ASAH1: variants seen among roughly 807,000 people sequenced by gnomAD.
ASAH1 encodes N-acylsphingosine amidohydrolase 1.
In ASAH1, 70 loss-of-function variants were observed where a neutral mutation model predicts 59.5. The ratio of observed to expected loss-of-function variants is 1.18; its 90% confidence interval spans 0.97 to 1.43. The LOEUF (loss-of-function observed/expected upper bound fraction) is 1.43, where lower values mean the gene tolerates loss of function less well. Ranked by LOEUF, ASAH1 falls within the 40% of genes most tolerant of loss-of-function variation. The pLI, the probability that ASAH1 is intolerant of heterozygous loss-of-function variation, is 0.00. For missense variants in ASAH1, 660 were observed against 482.5 expected (o/e 1.37, Z -3.45); for synonymous variants, 213 against 166.5 (o/e 1.28, Z -2.15).
At position 18,057,238 on chromosome 8, in the gene ASAH1, C is replaced by T. The variant is rs1418340952; in HGVS notation, c.*296G>A. The stretch of plus-strand genomic sequence containing the variant: ...TTTATTCCACGGAGGTGGAGTTCAC[C>T]ATGGTTCGACTGCCCACCAGATCCC... On this transcript the variant is annotated 3_prime_UTR_variant, in exon 14 of 14. Transcript: ENST00000637790. The T allele has an allele frequency of 3.0e-6, 1 of 332,482 alleles. No individual in the cohort carries two copies. Among genetic ancestry groups the T allele is most frequent in the Admixed American group, 4.1e-5 (1 of 24,416 alleles). The allele number at this position is 332,482 out of a possible 1,614,324, so 20.6% of individuals were successfully genotyped here. A position where few individuals can be genotyped will look rare whatever the true frequency, so the allele number is the denominator to read the frequency against.
At chr8:18,081,690 A>T (rs1800661153) in intron 1 of ASAH1, among the ~76,000 whole-genome samples, 1 of 152,256 alleles carries the variant, frequency 6.6e-6, no homozygotes, top group Non-Finnish European at 1.5e-5. Context: ...CAGATGTTCT[A>T]AATCAAATGA....
chr8:18,058,687 G>T (rs752881579), intron 13 of ASAH1, 148 bp downstream of exon 13: 39 of 696,692 alleles, frequency 5.6e-5, no homozygotes, highest in Non-Finnish European at 8.5e-5. Context: ...TACAGTTTTA[G>T]CCACACAAAA....
intron 13 of ASAH1, chr8:18,057,977 T>C (rs1053869544): frequency 1.9e-5 from 3 of 160,664 alleles, no homozygotes; most frequent in Non-Finnish European, 4.0e-5. Flanking sequence ...TTAACCCTCC[T>C]TGACGCACAG....
intron 2 of ASAH1, among the ~76,000 whole-genome samples, chr8:18,075,244 C>T (rs557950761): frequency 2.6e-5 from 4 of 152,228 alleles, no homozygotes; most frequent in African/African-American, 4.8e-5. Context: ...TTACCCGCCT[C>T]GGCCTCCCAA....
chr8:18,080,038 C>T (rs2117094031), intron 1 of ASAH1, among the ~76,000 whole-genome samples: 1 of 152,328 alleles, frequency 6.6e-6, no homozygotes, highest in East Asian at 1.9e-4. Context: ...ACATAGTAGG[C>T]AAGCAGTATT....
At position 18,071,250 on chromosome 8, in the gene ASAH1, A is replaced by C. The variant is rs1421778112; in HGVS notation, c.216+50T>G. The C allele has an allele frequency of 1.2e-5, 11 of 920,174 alleles. No individual in the cohort carries two copies. The African/African-American group carries it at 1.8e-4, about 15-fold the overall frequency. 57.0% of individuals were successfully genotyped at this position (920,174 alleles called of 1,614,324 possible). On this transcript the variant is annotated intron_variant, in intron 3 of 13. Transcript: ENST00000637790. ...ATCAATAAATAAAAATAAAGAAATA[A>C]AATAAAAAATAAAAATAAAGAAATA...
At chr8:18,074,452 GACA>G (rs1388334846) in intron 2 of ASAH1, among the ~76,000 whole-genome samples, 6 of 152,156 alleles carry the variant, frequency 3.9e-5, no homozygotes, top group Non-Finnish European at 7.3e-5. Flanking sequence ...ACATCGTTTA[GACA>G]ACAACAGTAC....
intron 4 of ASAH1, 128 bp from the exon 5 acceptor site, chr8:18,067,426 T>C (rs911277009): frequency 8.5e-6 from 4 of 472,586 alleles, no homozygotes; most frequent in Non-Finnish European, 1.0e-5. Flanking sequence ...TTTTTCTAGA[T>C]ACTGCTATCA....
chr8:18,082,074 G>T (rs1263004280), intron 1 of ASAH1, among the ~76,000 whole-genome samples: 1 of 152,170 alleles, frequency 6.6e-6, no homozygotes, highest in Non-Finnish European at 1.5e-5. Flanking sequence ...TCAGAGTAAA[G>T]ATTAACATTC....
chr8:18,076,323 A>T (rs2117080935), intron 1 of ASAH1: 1 of 153,128 alleles, frequency 6.5e-6, no homozygotes, highest in South Asian at 2.1e-4. Flanking sequence ...TGTTTATGAC[A>T]CTGCTTTATA....
chr8:18,063,485 T>TTTTTG (rs1554809052), intron 6 of ASAH1: 5 of 385,238 alleles, frequency 1.3e-5, no homozygotes, highest in South Asian at 2.8e-5. Context: ...TTTTTTTTTT[T>TTTTTG]GTATTTTTCT....
At chr8:18,079,210 T>A (rs1800542025) in intron 1 of ASAH1, among the ~76,000 whole-genome samples, 1 of 150,610 alleles carries the variant, frequency 6.6e-6, no homozygotes, top group Admixed American at 6.7e-5. Flanking sequence ...GAGGTGGAAG[T>A]TGCAGTGAGA....
At position 18,067,243 on chromosome 8, in the gene ASAH1, G is replaced by A. The variant is rs1055460356; in HGVS notation, c.359C>T (p.Ala120Val). 6.3e-7 allele frequency: 1 copy of A among 1,593,898 alleles called. No individual in the cohort carries two copies. ...ACCTAAAGGTATATCAGTAACAGCG[G>A]CAATACCCTTCATTTCCTCTTCAAA... ...GPFEEEMKGIAAVTDIPLGEI... is the reference protein window; with the variant it reads ...GPFEEEMKGIVAVTDIPLGEI... Residue 120 changes from alanine to valine, a missense_variant, in exon 5 of 14, where the codon GCC becomes GTC. Ala to Val is a moderately conservative substitution (Grantham distance 64, BLOSUM62 0). Transcript: ENST00000637790.
rs914674882 is a variant in ASAH1, at chr8:18,057,096, T to C, written c.*438A>G. 5.0e-5 allele frequency: 9 copies of C among 179,790 alleles called. No individual in the cohort carries two copies. The Admixed American group carries it at 5.1e-4, about 10-fold the overall frequency. 11.1% of individuals were successfully genotyped at this position (179,790 alleles called of 1,614,324 possible). On this transcript the variant is annotated 3_prime_UTR_variant, in exon 14 of 14. Coordinates refer to ENST00000637790, the MANE Select transcript of ASAH1 (RefSeq NM_177924.5). ...AGTTAGAACCAGAAGGAAAAGGCTG[T>C]TATACAGAAAAACATACAAATATGT...
rs376358665 is a variant in ASAH1, at chr8:18,063,470, C to CTTT, written c.458-243_458-241dup. ...AGACATGTGCGACCGCACCTGGCTACTTTTTTTTTTTTTTTGTATTTTTCT... is the reference window on the plus strand; with the variant it reads ...AGACATGTGCGACCGCACCTGGCTACTTTTTTTTTTTTTTTTTTGTATTTTTCT... On this transcript the variant is annotated intron_variant, in intron 6 of 13. Transcript: ENST00000637790. The CTTT allele has an allele frequency of 4.5e-3, 1,301 of 290,554 alleles. 3 individuals are homozygous for CTTT. Among genetic ancestry groups the CTTT allele is most frequent in the African/African-American group, 0.018 (690 of 39,148 alleles). 18.0% of individuals were successfully genotyped at this position (290,554 alleles called of 1,614,324 possible). A position where few individuals can be genotyped will look rare whatever the true frequency, so the allele number is the denominator to read the frequency against.
intron 12 of ASAH1, 124 bp downstream of exon 12, chr8:18,059,217 G>A: frequency 6.8e-7 from 1 of 1,465,142 alleles, no homozygotes; most frequent in Non-Finnish European, 9.4e-7. Flanking sequence ...TCAGTGGAGA[G>A]TGGCTAGAGA....
At position 18,070,939 on chromosome 8, in the gene ASAH1, G is replaced by A. The variant is rs192144360; in HGVS notation, c.216+361C>T. The stretch of plus-strand genomic sequence containing the variant: ...AATAAGAAATATGGCCGGGCATGGC[G>A]GCTCATGCCTATAATCCCAGCACTT... On this transcript the variant is annotated intron_variant, in intron 3 of 13. Transcript: ENST00000637790. Among the ~76,000 whole-genome samples, 30 of 152,264 alleles carry A rather than the reference G, an allele frequency of 2.0e-4. No homozygotes were observed. The East Asian group carries it at 5.0e-3, about 25-fold the overall frequency.
intron 10 of ASAH1, chr8:18,060,526 T>C (rs1454947389): frequency 1.3e-5 from 2 of 152,224 alleles, no homozygotes; most frequent in East Asian, 3.8e-4. Context: ...GAACAGAAAG[T>C]AAACCTTCTT....
At chr8:18,084,751 G>A, upstream of ASAH1, 3 of 1,613,812 alleles carry the variant, frequency 1.9e-6, no homozygotes, top group Non-Finnish European at 2.5e-6. Flanking sequence ...TTGGGTAGGA[G>A]GCCCGGTGGG....
Sources: allele counts gnomAD v4.1 joint callset (sites outside exome capture counted in the v4.1 genomes callset), GRCh38; gene constraint gnomAD v4.1.1; transcripts MANE v1.5; gene names NCBI Gene and HGNC (gene_info 2026-07-23, HGNC 2026-07-21).